Variants in PRDM9 observed in about 807,000 individuals in gnomAD.
PRDM9 encodes the protein PR/SET domain 9, also known as histone-lysine N-methyltransferase PRDM9.
A neutral mutation model predicts 55.6 loss-of-function variants in PRDM9; 47 were observed. The observed-to-expected ratio is 0.85, with a 90% CI of 0.67 to 1.08. PRDM9 has a LOEUF of 1.08. Among genes scored for constraint, PRDM9 ranks in the 50% least tolerant of loss-of-function variants. The probability of loss-of-function intolerance (pLI) is 0.00; values close to 1 mark genes in which losing one functional copy is unlikely to be tolerated. For missense variants in PRDM9, 867 were observed against 1,040.3 expected, an observed-to-expected ratio of 0.83 and a Z score of 2.29; for synonymous variants, 312 against 375.7, an observed-to-expected ratio of 0.83 and a Z score of 1.96.
chr5:23,527,738 G>T lies in PRDM9; in HGVS notation c.2650G>T (p.Gly884Trp). 1 of 1,613,752 alleles carries T rather than the reference G, an allele frequency of 6.2e-7. No homozygotes were observed. The highest frequency in any genetic ancestry group is 8.5e-7 in the Non-Finnish European group (1 of 1,179,806). ...CTGCTATCACCAGAGGACACACACA[G>T]GGGAGAAGCCCTACGTCTGCAGGGA... ...SLCYHQRTHTGEKPYVCREDE is the reference protein window; with the variant it reads ...SLCYHQRTHTWEKPYVCREDE The change falls in exon 11 of 11, where the codon GGG (glycine) becomes TGG (tryptophan). Residue 884 changes from glycine (G) to tryptophan (W), a missense_variant. Coordinates refer to ENST00000296682, the MANE Select transcript of PRDM9 (RefSeq NM_020227.4).
At chr5:23,523,769 A>C (rs1443389930) in intron 9 of PRDM9, among the ~76,000 whole-genome samples, 1 of 152,208 alleles carries the variant, frequency 6.6e-6, no homozygotes, top group Non-Finnish European at 1.5e-5. Context: ...TCGTTCTATC[A>C]GAGAATAGAA....
Position 23,526,517 on chromosome 5 carries a change from T to C in PRDM9, c.1429T>C (p.Ser477Pro). 1 of 1,614,070 alleles carries C rather than the reference T, an allele frequency of 6.2e-7. No homozygotes were observed. The highest frequency in any genetic ancestry group is 8.5e-7 in the Non-Finnish European group (1 of 1,179,970). The change falls in exon 11 of 11, where the codon TCT becomes CCT. Residue 477 changes from serine to proline, a missense_variant. Coordinates refer to ENST00000296682, the MANE Select transcript of PRDM9 (RefSeq NM_020227.4). Reference sequence around the variant, plus strand: ...GCAGAGGGAGATTTCAAGGGCCTTTTCTAGCCCACCCAAAGGACAAATGGG... The same window carrying C: ...GCAGAGGGAGATTTCAAGGGCCTTTCCTAGCCCACCCAAAGGACAAATGGG... ...TWQREISRAFSSPPKGQMGSC... is the reference protein window; with the variant it reads ...TWQREISRAFPSPPKGQMGSC...
Position 23,527,955 on chromosome 5 carries a change from T to C in PRDM9, c.*182T>C. 3 of 823,074 alleles carry C rather than the reference T, an allele frequency of 3.6e-6. No homozygotes were observed. Among genetic ancestry groups the C allele is most frequent in the Non-Finnish European group, 1.9e-6 (1 of 513,336 alleles). 51.0% of individuals were successfully genotyped at this position (823,074 alleles called of 1,614,324 possible). ...AATCCGCCACTTTCATGACTAGAGA[T>C]GAGGAAGAACAAGGGATAGTTCTGT... On this transcript the variant is annotated 3_prime_UTR_variant, in exon 11 of 11. Transcript: ENST00000296682.
At chr5:23,511,627 T>G (rs1739101028) in intron 4 of PRDM9, among the ~76,000 whole-genome samples, 1 of 152,194 alleles carries the variant, frequency 6.6e-6, no homozygotes, top group Admixed American at 6.5e-5. Flanking sequence ...ATTACAGACA[T>G]GAGCCACCAC....
intron 6 of PRDM9, among the ~76,000 whole-genome samples, chr5:23,522,030 C>T (rs902009633): frequency 5.3e-5 from 8 of 152,084 alleles, no homozygotes; most frequent in African/African-American, 1.4e-4. Context: ...AAATATCTTC[C>T]AAATGAATAA....
chr5:23,520,759 A>G (rs1739312634), intron 5 of PRDM9, among the ~76,000 whole-genome samples: 2 of 152,114 alleles, frequency 1.3e-5, no homozygotes, highest in Non-Finnish European at 2.9e-5. Flanking sequence ...TTCTCCAGCT[A>G]GTCTTCCCAA....
chr5:23,522,401 C>A lies in PRDM9; in HGVS notation c.606C>A (p.Tyr202Ter), dbSNP rs754801668. ...KEVSEPQDDDYLYCEMCQNFF... is the reference protein window; with the variant it reads ...KEVSEPQDDD ...TCAGCGAGCCGCAGGATGATGATTACCTCTGTAAGTGACACTTTTGGCCAC... is the reference window on the plus strand; with the variant it reads ...TCAGCGAGCCGCAGGATGATGATTAACTCTGTAAGTGACACTTTTGGCCAC... Residue 202 changes from tyrosine to a stop codon, truncating the protein, a stop_gained, in exon 7 of 11, where the codon TAC (tyrosine) becomes TAA (stop). Transcript: ENST00000296682. LOFTEE classifies it high-confidence loss of function. The A allele has an allele frequency of 3.1e-6, 5 of 1,613,334 alleles. No homozygotes were observed. Among genetic ancestry groups the A allele is most frequent in the East Asian group, 2.2e-5 (1 of 44,882 alleles).
At chr5:23,517,249 G>T (rs1180466985) in intron 4 of PRDM9, among the ~76,000 whole-genome samples, 2 of 148,700 alleles carry the variant, frequency 1.3e-5, no homozygotes, top group Non-Finnish European at 3.0e-5. Context: ...CAGTGTGTTT[G>T]TCGTGAAAGG....
At chr5:23,507,442 G>C (rs931949908), upstream of PRDM9, 1 of 152,322 alleles carries the variant, frequency 6.6e-6, no homozygotes, top group Admixed American at 6.5e-5. Flanking sequence ...CCCACCTCCT[G>C]AGCCCCAAAC....
chr5:23,508,082 A>G (rs1156913328), intron 1 of PRDM9, among the ~76,000 whole-genome samples: 1 of 151,958 alleles, frequency 6.6e-6, no homozygotes, highest in Non-Finnish European at 1.5e-5. Flanking sequence ...CAATCCCTTC[A>G]GCTTCAAGGA....
chr5:23,510,288 C>T (rs546859130), intron 4 of PRDM9, among the ~76,000 whole-genome samples: 1 of 151,316 alleles, frequency 6.6e-6, no homozygotes, highest in African/African-American at 2.4e-5. Context: ...CTCGAACTCC[C>T]GACCTCAGGT....
At chr5:23,511,900 A>G (rs751521434) in intron 4 of PRDM9, among the ~76,000 whole-genome samples, 36 of 152,090 alleles carry the variant, frequency 2.4e-4, no homozygotes, top group Non-Finnish European at 4.3e-4. Flanking sequence ...TTGACATTGG[A>G]CTGAATGGTG....
chr5:23,523,011 G>A (rs781405690), intron 8 of PRDM9, 126 bp downstream of exon 8: 35 of 1,526,028 alleles, frequency 2.3e-5, no homozygotes, highest in Non-Finnish European at 2.5e-5. Context: ...TGTACTCAAG[G>A]TTCTTTGCAT....
Position 23,509,008 on chromosome 5 carries a change from AG to A in PRDM9, c.-23del, listed in dbSNP as rs759157392. The A allele has an allele frequency of 5.9e-5, 95 of 1,612,936 alleles. No homozygotes were observed. The highest frequency in any genetic ancestry group is 7.6e-5 in the Non-Finnish European group (90 of 1,179,202). On this transcript the variant is annotated 5_prime_UTR_variant, in exon 2 of 11. Transcript: ENST00000296682. ...CCCTTCTCACACTCAGAATTGGAGC[AG>A]GGCCTTCTAGACAGTCCCAGCACCA...
At chr5:23,525,601 C>T (rs1313128830) in intron 10 of PRDM9, among the ~76,000 whole-genome samples, 5 of 152,158 alleles carry the variant, frequency 3.3e-5, no homozygotes, top group Non-Finnish European at 7.3e-5. Context: ...CAACCTGAAT[C>T]CCACTTCCTG....
intron 5 of PRDM9, 68 bp from the exon 6 acceptor site, chr5:23,520,955 C>T: frequency 6.4e-7 from 1 of 1,553,698 alleles, no homozygotes; most frequent in Non-Finnish European, 8.9e-7. Flanking sequence ...CATATGAAAA[C>T]ATGTTGCAAG....
chr5:23,519,534 A>G (rs1739284975), intron 5 of PRDM9, among the ~76,000 whole-genome samples: 1 of 151,136 alleles, frequency 6.6e-6, no homozygotes, highest in African/African-American at 2.4e-5. Flanking sequence ...ACACCTGGCT[A>G]GTTTTTTGTA....
chr5:23,526,738 G>A lies in PRDM9; in HGVS notation c.1650G>A (p.Lys550=). The A allele has an allele frequency of 6.2e-7, 1 of 1,609,020 alleles. No homozygotes were observed. The highest frequency in any genetic ancestry group is 8.5e-7 in the Non-Finnish European group (1 of 1,178,484). ...ITHQRTHTGE[K]LYVCRECGRG... ...ACCAAAGGACACATACAGGGGAGAAGCTCTACGTCTGCAGGGAGTGTGGGC... is the reference window on the plus strand; with the variant it reads ...ACCAAAGGACACATACAGGGGAGAAACTCTACGTCTGCAGGGAGTGTGGGC... Residue 550 remains lysine (K), a synonymous_variant, in exon 11 of 11, where the codon AAG becomes AAA. Transcript: ENST00000296682.
At chr5:23,523,075 A>G (rs112916380) in intron 8 of PRDM9, among the ~76,000 whole-genome samples, 190 bp downstream of exon 8, 8 of 152,348 alleles carry the variant, frequency 5.3e-5, no homozygotes, top group African/African-American at 1.9e-4. Flanking sequence ...AGAGTGGTAC[A>G]AAGACAAAGA....
Sources: allele counts gnomAD v4.1 joint callset (sites outside exome capture counted in the v4.1 genomes callset), GRCh38; gene constraint gnomAD v4.1.1; transcripts MANE v1.5; gene names NCBI Gene and HGNC (gene_info 2026-07-23, HGNC 2026-07-21).